DNM2: variants seen among roughly 807,000 people sequenced by gnomAD.
DNM2 encodes dynamin 2, also known as dynamin-2.
Under a neutral mutation model 99.0 loss-of-function variants are expected in DNM2, and 15 were observed. The ratio of observed to expected loss-of-function variants is 0.15; its 90% CI spans 0.10 to 0.23. The LOEUF is 0.23. DNM2 is among the 10% of genes least tolerant of loss of function. The pLI, the probability that DNM2 is intolerant of heterozygous loss-of-function variation, is 1.00. For synonymous variants in DNM2, 525 were observed against 481.2 expected (o/e 1.09, Z -1.19); for missense variants, 742 against 1,189.4 (o/e 0.62, Z 5.53).
Position 10,764,513 on chromosome 19 carries a change from C to T in DNM2, c.235+4702C>T, listed in dbSNP as rs1011770676. On this transcript the variant is annotated intron_variant, in intron 2 of 20. Transcript: ENST00000389253. This position sits in a 1 kb window ranked among gnomAD's most constrained non-coding sequence, Gnocchi z 4.1. ...CCCTGCCCTCACTGGGAAGCAGCCCCGTAAACTCTGAGTGCCTGGGACTGT... is the reference window on the plus strand; with the variant it reads ...CCCTGCCCTCACTGGGAAGCAGCCCTGTAAACTCTGAGTGCCTGGGACTGT... Among the ~76,000 whole-genome samples, 6 of 152,212 alleles carry T rather than the reference C, an allele frequency of 3.9e-5. No individual in the cohort carries two copies. The highest frequency in any genetic ancestry group is 5.9e-5 in the Non-Finnish European group (4 of 68,040).
At chr19:10,739,040 C>A (rs910880616) in intron 1 of DNM2, among the ~76,000 whole-genome samples, 2 of 151,714 alleles carry the variant, frequency 1.3e-5, no homozygotes, top group African/African-American at 4.8e-5. Flanking sequence ...TGGTAGCGGG[C>A]GCCTGTACTG....
chr19:10,807,532 G>A (rs576213278), intron 13 of DNM2, among the ~76,000 whole-genome samples: 21 of 126,160 alleles, frequency 1.7e-4, no homozygotes, highest in Non-Finnish European at 2.6e-4. Context: ...GAGCCATCAC[G>A]TCCAGCCTTT....
At chr19:10,746,851 C>A (rs1329147648) in intron 1 of DNM2, among the ~76,000 whole-genome samples, 2 of 150,840 alleles carry the variant, frequency 1.3e-5, no homozygotes, top group Admixed American at 1.3e-4. Context: ...GTTTTCCTGC[C>A]TCAGCCTCTC....
intron 1 of DNM2, among the ~76,000 whole-genome samples, chr19:10,731,232 T>C (rs545186101): frequency 5.3e-5 from 8 of 152,192 alleles, no homozygotes; most frequent in Non-Finnish European, 7.4e-5. Context: ...TTTGTATGGA[T>C]ACACAGGGTC....
intron 7 of DNM2, 40 bp downstream of exon 7, chr19:10,786,746 C>A: frequency 6.2e-7 from 1 of 1,613,084 alleles, no homozygotes; most frequent in Non-Finnish European, 8.5e-7. Context: ...CACCCTGGCC[C>A]CTGCCTTCCA....
rs1249167397 is a variant in DNM2, at chr19:10,794,948, CT to C, written c.1129-422del. On this transcript the variant is annotated intron_variant, in intron 8 of 20. Transcript: ENST00000389253. ...ATTTTTATTTTTTTTGAGACAGGGT[CT>C]TGCTCTTTCACCCAGGCTGGAGTGC... Among the ~76,000 whole-genome samples the C allele has an allele frequency of 5.3e-5, 8 of 152,084 alleles. 1 individual carries two copies. In the Middle Eastern group the frequency reaches 0.027, roughly 521 times the overall value.
In DNM2 at chr19:10,830,345, G is replaced by T; in HGVS notation, c.2510G>T (p.Arg837Leu). The change falls in exon 20 of 21, where the codon CGG becomes CTG. Residue 837 changes from arginine to leucine, a missense_variant. Physicochemically the swap from Arg to Leu is moderately radical, Grantham distance 102. Transcript: ENST00000389253. This position sits in a 1 kb window ranked among gnomAD's most constrained non-coding sequence, Gnocchi z 4.8. ...CCTCAGATCCCATCTCGGCCAGTTC[G>T]GATCCCCCCAGGGATTCCCCCAGGA... ...APPQIPSRPV[R>L]IPPGIPPGVP... 1 of 1,612,582 alleles carries T rather than the reference G, an allele frequency of 6.2e-7. No homozygotes were observed.
intron 5 of DNM2, among the ~76,000 whole-genome samples, chr19:10,782,285 C>T (rs1363021047): frequency 6.6e-6 from 1 of 152,116 alleles, no homozygotes; most frequent in Admixed American, 6.6e-5. Context: ...CCACCCGCCT[C>T]GGCCTCCCAA....
rs375534797 is a variant in DNM2, at chr19:10,811,593, G to A, written c.1558-671G>A. 2.2e-3 allele frequency: 928 copies of A among 421,190 alleles called. 3 individuals are homozygous for A. The highest frequency in any genetic ancestry group is 3.5e-3 in the Non-Finnish European group (729 of 207,810). The allele number at this position is 421,190 out of a possible 1,614,324, so 26.1% of individuals were successfully genotyped here. A position where few individuals can be genotyped will look rare whatever the true frequency, so the allele number is the denominator to read the frequency against. On this transcript the variant is annotated intron_variant, in intron 14 of 20. Coordinates refer to ENST00000389253, the MANE Select transcript of DNM2 (RefSeq NM_001005361.3). The surrounding 1 kb of genome is among the most constrained non-coding windows in gnomAD (Gnocchi z 5.4). ...GCCCTCGTCCTGAGTGGGGTGGGGGGCTCTGCCCACACATGCCTCCAGCGG... is the reference window on the plus strand; with the variant it reads ...GCCCTCGTCCTGAGTGGGGTGGGGGACTCTGCCCACACATGCCTCCAGCGG...
intron 18 of DNM2, among the ~76,000 whole-genome samples, chr19:10,827,817 G>A (rs556342513): frequency 2.2e-4 from 33 of 151,838 alleles, no homozygotes; most frequent in African/African-American, 7.7e-4. Context: ...TGCAATGAGC[G>A]GAGATCATGC....
chr19:10,831,159 GCCCT>G lies in DNM2; in HGVS notation c.*113_*116del. ...GCTGGGACCAGGCTCCCAGTGGGCAGCCCTGGCCTCTTCCTTAACGCTGGCCCCG... is the reference window on the plus strand; with the variant it reads ...GCTGGGACCAGGCTCCCAGTGGGCAGGGCCTCTTCCTTAACGCTGGCCCCG... On this transcript the variant is annotated 3_prime_UTR_variant, in exon 21 of 21. Coordinates refer to ENST00000389253, the MANE Select transcript of DNM2 (RefSeq NM_001005361.3). This position sits in a 1 kb window ranked among gnomAD's most constrained non-coding sequence, Gnocchi z 4.3. 2.1e-6 allele frequency: 3 copies of G among 1,447,202 alleles called. No homozygotes were observed. Among genetic ancestry groups the G allele is most frequent in the Middle Eastern group, 2.5e-4 (1 of 4,044 alleles). 89.6% of individuals were successfully genotyped at this position (1,447,202 alleles called of 1,614,324 possible).
intron 18 of DNM2, among the ~76,000 whole-genome samples, chr19:10,828,651 A>G (rs2146203619): frequency 6.6e-6 from 1 of 152,274 alleles, no homozygotes; most frequent in African/African-American, 2.4e-5. Context: ...AAATAAATAA[A>G]TAAGCTAAAA....
Position 10,812,428 on chromosome 19 carries a change from A to G in DNM2, c.1671+51A>G. 6.7e-7 allele frequency: 1 copy of G among 1,493,806 alleles called. No homozygotes were observed. The highest frequency in any genetic ancestry group is 9.1e-7 in the Non-Finnish European group (1 of 1,093,908). 92.5% of individuals were successfully genotyped at this position (1,493,806 alleles called of 1,614,324 possible). On this transcript the variant is annotated intron_variant, in intron 15 of 20. Coordinates refer to ENST00000389253, the MANE Select transcript of DNM2 (RefSeq NM_001005361.3). This position sits in a 1 kb window ranked among gnomAD's most constrained non-coding sequence, Gnocchi z 4.0. Reference sequence around the variant, plus strand: ...GCTGGGGTAGGTGGGGCAGCCAGGGAAGAGCGGGTGGGCGCTCCCTCTGGG... The same window carrying G: ...GCTGGGGTAGGTGGGGCAGCCAGGGGAGAGCGGGTGGGCGCTCCCTCTGGG...
chr19:10,820,024 C>A lies in DNM2; in HGVS notation c.1716C>A (p.Ile572=), dbSNP rs776999450. The A allele has an allele frequency of 1.8e-5, 29 of 1,614,048 alleles. No homozygotes were observed. The highest frequency in any genetic ancestry group is 2.4e-5 in the Non-Finnish European group (28 of 1,180,038). The change falls in exon 16 of 21, where the codon ATC becomes ATA. Residue 572 remains isoleucine, a synonymous_variant. Transcript: ENST00000389253. This position sits in a 1 kb window ranked among gnomAD's most constrained non-coding sequence, Gnocchi z 4.3. The stretch of plus-strand genomic sequence containing the variant: ...TGCTGCCTCTGGACAACCTCAAGAT[C>A]CGTGATGTGGAGAAGGGCTTCATGT... ...KYMLPLDNLK[I]RDVEKGFMSN... is the part of the protein sequence containing the mutation.
In DNM2 at chr19:10,798,586, G is replaced by C; in HGVS notation, c.1422+14G>C. The stretch of plus-strand genomic sequence containing the variant: ...ACGAAGGACCAGGTACTGGCCTTTT[G>C]TCTTCTTTATTGGGTATAATTTACA... On this transcript the variant is annotated intron_variant, in intron 11 of 20. Transcript: ENST00000389253. 6.2e-7 allele frequency: 1 copy of C among 1,614,160 alleles called. No homozygotes were observed. Among genetic ancestry groups the C allele is most frequent in the Non-Finnish European group, 8.5e-7 (1 of 1,179,998 alleles).
intron 12 of DNM2, chr19:10,802,602 G>A: frequency 1.7e-6 from 1 of 581,298 alleles, no homozygotes; most frequent in Non-Finnish European, 3.2e-6. Context: ...AGAGGGCAGT[G>A]CTATGTTCAG....
chr19:10,807,896 A>G (rs1254851273), intron 13 of DNM2, among the ~76,000 whole-genome samples: 3 of 150,058 alleles, frequency 2.0e-5, no homozygotes, highest in African/African-American at 7.3e-5. Flanking sequence ...TAGTCCTAGC[A>G]CTTTGGGAGG....
intron 14 of DNM2, chr19:10,809,558 T>G (rs1568312730): frequency 6.6e-6 from 1 of 152,484 alleles, no homozygotes. Flanking sequence ...TGAGGCCCAG[T>G]CCAGCCCAGC....
chr19:10,753,030 G>A (rs1383837238), intron 1 of DNM2, among the ~76,000 whole-genome samples: 5 of 152,102 alleles, frequency 3.3e-5, no homozygotes, highest in East Asian at 1.9e-4. Flanking sequence ...AGGCTGAGAC[G>A]GGAGGATCAC....
Sources: gnomAD v4.1 joint callset for allele counts (sites outside exome capture counted in the v4.1 genomes callset) on GRCh38, gnomAD v4.1.1 for gene constraint, Gnocchi (gnomAD v3.1) non-coding constraint, MANE v1.5 for transcripts, NCBI Gene and HGNC (gene_info 2026-07-23, HGNC 2026-07-21) for gene names.